SPTLC1: variants seen among roughly 807,000 people sequenced by gnomAD.
SPTLC1 encodes the protein serine palmitoyltransferase long chain base subunit 1, also known as serine palmitoyltransferase 1.
SPTLC1 carries 55 observed loss-of-function variants against 68.9 expected under a neutral mutation model. The ratio of observed to expected loss-of-function variants is 0.80; its 90% CI spans 0.64 to 1.00. SPTLC1 has a LOEUF of 1.00. Among genes scored for constraint, SPTLC1 ranks in the 50% least tolerant of loss-of-function variants. The pLI, the probability that SPTLC1 is intolerant of heterozygous loss-of-function variation, is 0.00. For missense variants in SPTLC1, 449 were observed against 573.1 expected, an observed-to-expected ratio of 0.78 and a Z score of 2.21; for synonymous variants, 197 against 201.6, an observed-to-expected ratio of 0.98 and a Z score of 0.19.
intron 13 of SPTLC1, among the ~76,000 whole-genome samples, 193 bp downstream of exon 13, chr9:92,038,055 T>A (rs1018710474): frequency 6.6e-6 from 1 of 152,198 alleles, no homozygotes; most frequent in Non-Finnish European, 1.5e-5. Context: ...CTGCTGCCTG[T>A]TACCATGGCC....
chr9:92,038,275 G>A lies in SPTLC1; in HGVS notation c.1227C>T (p.Val409=). ...EESTGSREQD[V]RLLQEIVDQC... ...GATCTACAATTTCCTGAAGCAGTCT[G>A]ACATCTTGCTCGCGAGACCCAGTGC... The change falls in exon 13 of 15, where the codon GTC becomes GTT. Residue 409 remains valine, a synonymous_variant. Transcript: ENST00000262554. The A allele has an allele frequency of 1.2e-6, 2 of 1,613,940 alleles. No individual in the cohort carries two copies. The highest frequency in any genetic ancestry group is 1.7e-6 in the Non-Finnish European group (2 of 1,179,786).
chr9:92,045,104 C>A (rs937254092), intron 12 of SPTLC1, among the ~76,000 whole-genome samples: 1 of 152,178 alleles, frequency 6.6e-6, no homozygotes, highest in Non-Finnish European at 1.5e-5. Flanking sequence ...TACTATCACA[C>A]AGACACACCC....
intron 14 of SPTLC1, among the ~76,000 whole-genome samples, chr9:92,033,598 C>T (rs1833046849): frequency 6.6e-6 from 1 of 152,166 alleles, no homozygotes; most frequent in Non-Finnish European, 1.5e-5. Flanking sequence ...GGGGGCAGCC[C>T]AGGCTGGAGT....
intron 5 of SPTLC1, among the ~76,000 whole-genome samples, chr9:92,069,509 C>T (rs548404333): frequency 2.0e-5 from 3 of 152,264 alleles, no homozygotes; most frequent in South Asian, 4.1e-4. Flanking sequence ...TCTGACACTA[C>T]GATCACATGA....
chr9:92,046,375 T>A lies in SPTLC1; in HGVS notation c.1082-322A>T, dbSNP rs563356087. ...TACAAATTTATTGCTTATTTCTTTA[T>A]CCTAAACAATTTGGTAAAAAATCAA... On this transcript the variant is annotated intron_variant, in intron 11 of 14. Coordinates refer to ENST00000262554, the MANE Select transcript of SPTLC1 (RefSeq NM_006415.4). 1.2e-4 allele frequency: 32 copies of A among 261,476 alleles called. No individual in the cohort carries two copies. The South Asian group carries it at 3.0e-3, about 24-fold the overall frequency. 16.2% of individuals were successfully genotyped at this position (261,476 alleles called of 1,614,324 possible).
intron 3 of SPTLC1, among the ~76,000 whole-genome samples, chr9:92,082,576 T>C (rs535595080): frequency 4.4e-4 from 66 of 151,588 alleles, no homozygotes; most frequent in African/African-American, 1.6e-3. Context: ...AACTCATCAT[T>C]TTTTATGGCT....
At chr9:92,062,506 A>C (rs1228871032) in intron 6 of SPTLC1, among the ~76,000 whole-genome samples, 1 of 152,218 alleles carries the variant, frequency 6.6e-6, no homozygotes, top group Non-Finnish European at 1.5e-5. Context: ...AAAAGACTTG[A>C]CATTTATAGA....
At chr9:92,096,456 C>T (rs1480001874) in intron 3 of SPTLC1, among the ~76,000 whole-genome samples, 1 of 151,858 alleles carries the variant, frequency 6.6e-6, no homozygotes, top group Non-Finnish European at 1.5e-5. Flanking sequence ...GCAATTATAC[C>T]TCAGTAAAAC....
chr9:92,096,035 G>A (rs1046911547), intron 3 of SPTLC1, among the ~76,000 whole-genome samples: 3 of 152,190 alleles, frequency 2.0e-5, no homozygotes, highest in African/African-American at 7.2e-5. Context: ...CAGGGGTGCC[G>A]TTCTGAAGAC....
Position 92,038,256 on chromosome 9 carries a change from C to T in SPTLC1, c.1246G>A (p.Val416Ile). ...EQDVRLLQEI[V>I]DQCMNRSIAL... ...AGTCAACGGATACTTACTTGATCTACAATTTCCTGAAGCAGTCTGACATCT... is the reference window on the plus strand; with the variant it reads ...AGTCAACGGATACTTACTTGATCTATAATTTCCTGAAGCAGTCTGACATCT... Residue 416 changes from valine (V) to isoleucine (I), a missense_variant, in exon 13 of 15, where the codon GTA becomes ATA. Around this residue, in one of 3 missense-constraint regions of SPTLC1, gnomAD observed 391 missense variants for 472.1 expected, o/e 0.83. Transcript: ENST00000262554. 6.2e-7 allele frequency: 1 copy of T among 1,611,956 alleles called. No homozygotes were observed. Among genetic ancestry groups the T allele is most frequent in the South Asian group, 1.1e-5 (1 of 91,046 alleles).
chr9:92,044,522 G>T (rs1229911898), intron 12 of SPTLC1, among the ~76,000 whole-genome samples: 1 of 152,222 alleles, frequency 6.6e-6, no homozygotes, highest in African/African-American at 2.4e-5. Context: ...GCCAGTGTAA[G>T]TGAAGACGTG....
chr9:92,115,280 T>G, intron 1 of SPTLC1, 34 bp downstream of exon 1: 1 of 1,608,526 alleles, frequency 6.2e-7, no homozygotes, highest in South Asian at 1.1e-5. Context: ...CGGGCCCGGG[T>G]GTGGTCGCGG....
At chr9:92,074,541 CT>C (rs1333108793) in intron 5 of SPTLC1, among the ~76,000 whole-genome samples, 3 of 152,102 alleles carry the variant, frequency 2.0e-5, no homozygotes, top group African/African-American at 7.2e-5. Flanking sequence ...TCGCCTGCAA[CT>C]GATCATTCAC....
intron 5 of SPTLC1, chr9:92,078,939 G>T: frequency 1.6e-6 from 1 of 619,868 alleles, no homozygotes; most frequent in Non-Finnish European, 2.0e-6. Context: ...AACTGTTAAA[G>T]TAAAAAAACA....
At chr9:92,049,842 C>T (rs1001087022) in intron 9 of SPTLC1, 118 bp downstream of exon 9, 31 of 797,374 alleles carry the variant, frequency 3.9e-5, no homozygotes, top group Admixed American at 7.5e-5. Flanking sequence ...ACCAAAGTTT[C>T]GTGACCCTTC....
chr9:92,043,191 C>T (rs1442175354), intron 12 of SPTLC1, among the ~76,000 whole-genome samples: 2 of 152,182 alleles, frequency 1.3e-5, no homozygotes, highest in African/African-American at 2.4e-5. Context: ...TCTGGTCTGG[C>T]CTGTCAGCAG....
intron 3 of SPTLC1, chr9:92,105,558 G>A (rs1050413170): frequency 2.8e-5 from 16 of 561,942 alleles, no homozygotes; most frequent in East Asian, 9.2e-5. Context: ...GCCTCTGCCC[G>A]GCTGCTCCAC....
intron 3 of SPTLC1, among the ~76,000 whole-genome samples, chr9:92,081,273 T>C (rs1281516815): frequency 6.6e-6 from 1 of 152,182 alleles, no homozygotes; most frequent in Non-Finnish European, 1.5e-5. Flanking sequence ...AGAATGAAGC[T>C]GCTAAATAAA....
At chr9:92,089,156 A>G (rs1835264960) in intron 3 of SPTLC1, among the ~76,000 whole-genome samples, 1 of 152,188 alleles carries the variant, frequency 6.6e-6, no homozygotes, top group South Asian at 2.1e-4. Context: ...CACACCTGTA[A>G]TCCCAGCACT....
Sources: allele counts gnomAD v4.1 joint callset (sites outside exome capture counted in the v4.1 genomes callset), GRCh38; gene constraint gnomAD v4.1.1; regional missense constraint gnomAD v4.1.1; transcripts MANE v1.5; gene names NCBI Gene and HGNC (gene_info 2026-07-23, HGNC 2026-07-21).